VRK2: variants seen among roughly 807,000 people sequenced by gnomAD.
The protein encoded by VRK2 is VRK serine/threonine kinase 2, also known as serine/threonine-protein kinase VRK2.
A neutral mutation model predicts 57.6 loss-of-function variants in VRK2; 60 were observed. The observed-to-expected ratio is 1.04, with a 90% CI of 0.85 to 1.29. The LOEUF is 1.29. VRK2 is among the 50% of genes most tolerant of loss of function. The probability of loss-of-function intolerance (pLI) is 0.00; values close to 1 mark genes in which losing one functional copy is unlikely to be tolerated. For synonymous variants in VRK2, 231 were observed against 199.2 expected, an observed-to-expected ratio of 1.16 and a Z score of -1.35; for missense variants, 705 against 588.1, an observed-to-expected ratio of 1.20 and a Z score of -2.06.
chr2:58,088,507 A>G, intron 6 of VRK2, 61 bp downstream of exon 6: 1 of 1,239,542 alleles, frequency 8.1e-7, no homozygotes, highest in Non-Finnish European at 1.2e-6. Context: ...CAATATAGAA[A>G]TCTTTTCCCT....
At chr2:58,155,998 G>A (rs897358065) in intron 12 of VRK2, among the ~76,000 whole-genome samples, 1 of 151,520 alleles carries the variant, frequency 6.6e-6, no homozygotes, top group African/African-American at 2.4e-5. Flanking sequence ...TGGGGTAATA[G>A]GAGGTACTAA....
In VRK2 at chr2:57,967,942, C is replaced by A. The variant is rs901363712; in HGVS notation, c.-438-57723C>A. 7.9e-5 allele frequency among the ~76,000 whole-genome samples: 12 copies of A among 151,826 alleles called. No homozygotes were observed. The South Asian group carries it at 8.3e-4, about 11-fold the overall frequency. ...CAACAAATACAAAACTTAGAATTAA[C>A]AAAAAAGAAGGGGAAAAGTGTCCCA... On this transcript the variant is annotated intron_variant, in intron 1 of 15. Coordinates refer to the VRK2 transcript ENST00000417641.
intron 1 of VRK2, among the ~76,000 whole-genome samples, chr2:58,000,338 A>G (rs1198291707): frequency 6.6e-6 from 1 of 152,212 alleles, no homozygotes; most frequent in African/African-American, 2.4e-5. Context: ...TAGCTTCATT[A>G]TACTATAAAA....
chr2:58,134,674 G>A (rs1436285914), intron 9 of VRK2, among the ~76,000 whole-genome samples: 1 of 149,740 alleles, frequency 6.7e-6, no homozygotes, highest in Non-Finnish European at 1.5e-5. Flanking sequence ...CCCCGCCCCA[G>A]TTCAGTACCA....
chr2:58,007,272 C>T (rs1673277418), intron 1 of VRK2, among the ~76,000 whole-genome samples: 1 of 151,358 alleles, frequency 6.6e-6, no homozygotes, highest in African/African-American at 2.4e-5. Flanking sequence ...CACACTCATA[C>T]ATATGTGTGT....
chr2:58,131,224 T>C (rs769881956), intron 8 of VRK2, among the ~76,000 whole-genome samples: 3 of 151,646 alleles, frequency 2.0e-5, no homozygotes, highest in Non-Finnish European at 2.9e-5. Flanking sequence ...GCAGTAGATA[T>C]ATTTTTATTG....
intron 6 of VRK2, 35 bp downstream of exon 6, chr2:58,088,481 A>T (rs946304479): frequency 2.1e-6 from 3 of 1,429,086 alleles, no homozygotes; most frequent in African/African-American, 2.8e-5. Context: ...TCCATTTCCA[A>T]ATTGTTTACT....
chr2:58,077,873 G>T (rs1670347139), intron 2 of VRK2, among the ~76,000 whole-genome samples: 1 of 152,086 alleles, frequency 6.6e-6, no homozygotes, highest in African/African-American at 2.4e-5. Flanking sequence ...CTCCCTAGAT[G>T]TCTCTATACT....
chr2:58,151,939 G>A lies in VRK2; in HGVS notation c.1182+5465G>A, dbSNP rs550843895. On this transcript the variant is annotated intron_variant, in intron 12 of 12. Coordinates refer to ENST00000340157, the MANE Select transcript of VRK2 (RefSeq NM_006296.7). ...GGCAGAGCTAACTGCAACAGAGACT[G>A]TATGGTCAAAAAAGCCTAAAATATT... is the stretch of plus-strand genomic sequence containing the variant. Among the ~76,000 whole-genome samples, 88 of 150,766 alleles carry A rather than the reference G, an allele frequency of 5.8e-4. No homozygotes were observed. The South Asian group carries it at 6.9e-3, about 12-fold the overall frequency.
chr2:57,997,233 T>C (rs886788010), intron 1 of VRK2, among the ~76,000 whole-genome samples: 2 of 152,130 alleles, frequency 1.3e-5, no homozygotes, highest in African/African-American at 2.4e-5. Flanking sequence ...AATATTTACA[T>C]AGTTATAATG....
intron 2 of VRK2, chr2:58,058,435 G>A (rs1230561134): frequency 1.1e-5 from 5 of 470,212 alleles, no homozygotes; most frequent in African/African-American, 2.0e-5. Flanking sequence ...AAGAGCAATC[G>A]GAAGCTTCGA....
In VRK2 at chr2:58,048,914, A is replaced by C; in HGVS notation, c.83A>C (p.Gln28Pro). ...GKVLDDMEGN[Q>P]WVLGKKIGSG... ...GTTCTGGATGATATGGAAGGCAATC[A>C]GTGGGTACTGGGCAAGAAGATTGGC... The change falls in exon 2 of 13, where the codon CAG becomes CCG. Residue 28 changes from glutamine to proline, a missense_variant. Gln to Pro is a moderately conservative substitution (Grantham distance 76, BLOSUM62 -1). Transcript: ENST00000340157. 1 of 1,614,044 alleles carries C rather than the reference A, an allele frequency of 6.2e-7. No homozygotes were observed. Among genetic ancestry groups the C allele is most frequent in the Non-Finnish European group, 8.5e-7 (1 of 1,179,944 alleles).
chr2:57,956,301 C>T lies in VRK2; in HGVS notation c.-439+48462C>T, dbSNP rs187050756. Among the ~76,000 whole-genome samples the T allele has an allele frequency of 1.1e-4, 16 of 152,266 alleles. No homozygotes were observed. In the East Asian group the frequency reaches 2.9e-3, roughly 28 times the overall value. On this transcript the variant is annotated intron_variant, in intron 1 of 15. Coordinates refer to the VRK2 transcript ENST00000417641. The stretch of plus-strand genomic sequence containing the variant: ...TTGGGAGGCTGAGGCAGGAGGATTG[C>T]TTGAGCCCAGAAGTTAGAGGCTGCA...
chr2:58,111,085 A>T (rs1264975117), intron 7 of VRK2, among the ~76,000 whole-genome samples: 1 of 152,232 alleles, frequency 6.6e-6, no homozygotes. Flanking sequence ...ATCACAAAGT[A>T]TCAAAATGGA....
At chr2:58,047,396 A>T in intron 1 of VRK2, 2 of 985,062 alleles carry the variant, frequency 2.0e-6, no homozygotes, top group Non-Finnish European at 2.4e-6. Flanking sequence ...AGCCGAAGGG[A>T]CACCCCTGAC....
chr2:58,029,034 C>T (rs1178829607), intron 2 of VRK2, among the ~76,000 whole-genome samples: 5 of 148,068 alleles, frequency 3.4e-5, no homozygotes, highest in African/African-American at 5.0e-5. Context: ...AAACACTTAA[C>T]AATTTGATCT....
At chr2:58,121,319 A>G (rs1677481720) in intron 7 of VRK2, among the ~76,000 whole-genome samples, 2 of 152,202 alleles carry the variant, frequency 1.3e-5, no homozygotes, top group African/African-American at 2.4e-5. Context: ...TTAAAATACA[A>G]TTCCATTTGT....
intron 1 of VRK2, among the ~76,000 whole-genome samples, chr2:58,019,038 T>A (rs1054681540): frequency 1.3e-5 from 2 of 152,242 alleles, no homozygotes; most frequent in African/African-American, 4.8e-5. Flanking sequence ...ATATTTTAGA[T>A]GCATTTTTAA....
chr2:58,060,705 A>C (rs1394687198), intron 2 of VRK2, among the ~76,000 whole-genome samples: 1 of 151,968 alleles, frequency 6.6e-6, no homozygotes, highest in African/African-American at 2.4e-5. Flanking sequence ...TAATTTCAGC[A>C]TAAAGATTAG....
Sources: gnomAD v4.1 joint callset for allele counts (sites outside exome capture counted in the v4.1 genomes callset) on GRCh38, gnomAD v4.1.1 for gene constraint, MANE v1.5 for transcripts, NCBI Gene and HGNC (gene_info 2026-07-23, HGNC 2026-07-21) for gene names.